The following UNC5D variants were observed in gnomAD, a reference collection of about 807,000 sequenced individuals.
UNC5D encodes the protein netrin receptor UNC5D.
A neutral mutation model predicts 105.4 loss-of-function variants in UNC5D; 39 were observed. That is an observed-to-expected ratio of 0.37 (90% CI 0.29 to 0.48). UNC5D has a LOEUF of 0.48. Ranked by LOEUF, UNC5D falls within the 20% of genes least tolerant of loss-of-function variation. The pLI, the probability that UNC5D is intolerant of heterozygous loss-of-function variation, is 0.98. For synonymous variants in UNC5D, 452 were observed against 450.4 expected, an observed-to-expected ratio of 1.00 and a Z score of -0.04; for missense variants, 991 against 1,202.4, an observed-to-expected ratio of 0.82 and a Z score of 2.60.
intron 6 of UNC5D, among the ~76,000 whole-genome samples, 173 bp downstream of exon 6, chr8:35,684,922 A>T (rs1825907280): frequency 6.6e-6 from 1 of 152,222 alleles, no homozygotes; most frequent in Non-Finnish European, 1.5e-5. Flanking sequence ...AACATGGGTG[A>T]AATACCACGG....
intron 3 of UNC5D, among the ~76,000 whole-genome samples, chr8:35,583,941 T>C (rs901062341): frequency 4.6e-5 from 7 of 152,152 alleles, no homozygotes; most frequent in African/African-American, 1.7e-4. Flanking sequence ...CATTATTTTC[T>C]TGTCAAAGGA....
intron 2 of UNC5D, among the ~76,000 whole-genome samples, chr8:35,554,242 G>C (rs1373575219): frequency 6.6e-6 from 1 of 152,190 alleles, no homozygotes; most frequent in Admixed American, 6.5e-5. Context: ...TAAGAAAAGA[G>C]ATTGTGTGTT....
At chr8:35,316,994 A>G (rs1156611099) in intron 1 of UNC5D, among the ~76,000 whole-genome samples, 1 of 152,196 alleles carries the variant, frequency 6.6e-6, no homozygotes, top group Admixed American at 6.5e-5. Context: ...ATAAGCTAAC[A>G]TCTCAACTTA....
chr8:35,693,978 A>G (rs1043010411), intron 7 of UNC5D, among the ~76,000 whole-genome samples: 5 of 152,168 alleles, frequency 3.3e-5, no homozygotes, highest in African/African-American at 1.2e-4. Flanking sequence ...CCTCAAGGTC[A>G]TATTACTTAG....
intron 4 of UNC5D, among the ~76,000 whole-genome samples, chr8:35,598,739 G>A (rs1414509570): frequency 2.6e-5 from 4 of 152,240 alleles, no homozygotes; most frequent in Non-Finnish European, 5.9e-5. Context: ...AGAAGGAAAT[G>A]TTGTCATTTG....
chr8:35,710,963 G>A (rs1442988078), intron 8 of UNC5D, among the ~76,000 whole-genome samples: 1,590 of 120,584 alleles, frequency 0.013, 7 homozygotes, highest in African/African-American at 0.06. Context: ...TTTTGAGACG[G>A]AGTCTCGCTC....
intron 7 of UNC5D, among the ~76,000 whole-genome samples, chr8:35,702,817 C>A (rs575340866): frequency 1.3e-5 from 2 of 152,168 alleles, no homozygotes; most frequent in East Asian, 3.9e-4. Context: ...GGGACTAAAA[C>A]CCTCTTGGGC....
intron 3 of UNC5D, among the ~76,000 whole-genome samples, chr8:35,569,265 C>A (rs1817566635): frequency 6.6e-6 from 1 of 152,146 alleles, no homozygotes; most frequent in South Asian, 2.1e-4. Context: ...CCCCATAAAA[C>A]CTCTTTTGTG....
intron 15 of UNC5D, among the ~76,000 whole-genome samples, chr8:35,769,199 G>A (rs1420863691): frequency 6.6e-6 from 1 of 152,120 alleles, no homozygotes; most frequent in East Asian, 1.9e-4. Flanking sequence ...AGTCTCAAAG[G>A]CATGAACTTT....
At chr8:35,722,809 A>G (rs1046420857) in intron 9 of UNC5D, among the ~76,000 whole-genome samples, 3 of 152,014 alleles carry the variant, frequency 2.0e-5, no homozygotes, top group African/African-American at 7.3e-5. Context: ...CCTATTTATG[A>G]AGTGGAGTAA....
At chr8:35,572,250 T>C (rs1447035835) in intron 3 of UNC5D, among the ~76,000 whole-genome samples, 1 of 126,808 alleles carries the variant, frequency 7.9e-6, no homozygotes, top group African/African-American at 2.9e-5. Context: ...ATTGTGCCAT[T>C]GCACTCCAGC....
chr8:35,691,568 G>A (rs748191549), intron 7 of UNC5D, among the ~76,000 whole-genome samples: 4 of 152,174 alleles, frequency 2.6e-5, no homozygotes, highest in African/African-American at 7.2e-5. Flanking sequence ...GTGAATCCAC[G>A]AATCTAAATT....
intron 4 of UNC5D, among the ~76,000 whole-genome samples, chr8:35,659,744 G>C (rs1823998545): frequency 6.6e-6 from 1 of 152,176 alleles, no homozygotes; most frequent in Non-Finnish European, 1.5e-5. Flanking sequence ...CTTCTAATTG[G>C]TGCCTCTGTA....
intron 1 of UNC5D, among the ~76,000 whole-genome samples, chr8:35,391,852 G>C (rs920177875): frequency 1.2e-4 from 18 of 152,158 alleles, no homozygotes; most frequent in Non-Finnish European, 4.4e-5. Context: ...TGGTGAGGAA[G>C]CCATTAATCT....
At chr8:35,613,871 C>T (rs1460411625) in intron 4 of UNC5D, among the ~76,000 whole-genome samples, 1 of 152,124 alleles carries the variant, frequency 6.6e-6, no homozygotes, top group Non-Finnish European at 1.5e-5. Context: ...AAAAACCCTG[C>T]ACATTTTGGT....
At chr8:35,544,390 C>T (rs570228827) in intron 1 of UNC5D, 6 of 1,604,418 alleles carry the variant, frequency 3.7e-6, no homozygotes, top group South Asian at 3.3e-5. Flanking sequence ...CTATCAGTAG[C>T]GTTAAATAAG....
chr8:35,688,049 G>T (rs1826140078), intron 7 of UNC5D, among the ~76,000 whole-genome samples: 1 of 151,798 alleles, frequency 6.6e-6, no homozygotes, highest in African/African-American at 2.4e-5. Flanking sequence ...AGAGAATGGC[G>T]TGAACCCGGG....
Position 35,314,632 on chromosome 8 carries a change from C to T in UNC5D, c.103+78745C>T, listed in dbSNP as rs564269376. On this transcript the variant is annotated intron_variant, in intron 1 of 16. Transcript: ENST00000404895. ...AGTGAAGTAGTCTTGGCATAACAGA[C>T]GTTTATTTAAAGACATTTCGAACCT... 8.5e-4 allele frequency among the ~76,000 whole-genome samples: 130 copies of T among 152,226 alleles called. 1 individual carries two copies. Among genetic ancestry groups the T allele is most frequent in the African/African-American group, 2.8e-3 (118 of 41,572 alleles).
chr8:35,322,746 C>CA (rs535976297), intron 1 of UNC5D, among the ~76,000 whole-genome samples: 106 of 152,288 alleles, frequency 7.0e-4, no homozygotes, highest in African/African-American at 2.4e-3. Context: ...TAATGCTTCT[C>CA]ATTTTTCCTA....
Sources: allele counts gnomAD v4.1 joint callset (sites outside exome capture counted in the v4.1 genomes callset), GRCh38; gene constraint gnomAD v4.1.1; transcripts MANE v1.5; gene names NCBI Gene and HGNC (gene_info 2026-07-23, HGNC 2026-07-21).